The following PTPRD variants were observed in gnomAD, a reference collection of about 807,000 sequenced individuals.
PTPRD encodes the protein protein tyrosine phosphatase receptor type D, also known as receptor-type tyrosine-protein phosphatase delta.
Under a neutral mutation model 214.5 loss-of-function variants are expected in PTPRD, and 34 were observed. The observed-to-expected ratio is 0.16, with a 90% CI of 0.12 to 0.21. PTPRD has a LOEUF of 0.21. Ranked by LOEUF, PTPRD falls within the 10% of genes least tolerant of loss-of-function variation. The probability of loss-of-function intolerance (pLI) is 1.00; values close to 1 mark genes in which losing one functional copy is unlikely to be tolerated. For synonymous variants in PTPRD, 1,128 were observed against 845.7 expected (o/e 1.33, Z -5.79); for missense variants, 2,545 against 2,398.7 (o/e 1.06, Z -1.27).
chr9:9,727,197 T>G (rs1027696263), intron 7 of PTPRD, among the ~76,000 whole-genome samples: 2 of 152,166 alleles, frequency 1.3e-5, no homozygotes, highest in African/African-American at 4.8e-5. Flanking sequence ...GGCTCACACC[T>G]ATAATTCTGG....
At chr9:8,512,828 G>A (rs576891571) in intron 21 of PTPRD, among the ~76,000 whole-genome samples, 1 of 152,048 alleles carries the variant, frequency 6.6e-6, no homozygotes, top group South Asian at 2.1e-4. Flanking sequence ...GATTTATAAT[G>A]CCTCTAATTA....
chr9:9,377,440 A>AT (rs35120129), intron 9 of PTPRD, among the ~76,000 whole-genome samples: 3,859 of 152,204 alleles, frequency 0.025, 143 homozygotes, highest in African/African-American at 0.087. Flanking sequence ...AAAAATAATA[A>AT]TATTAATTTG....
intron 27 of PTPRD, among the ~76,000 whole-genome samples, chr9:8,490,273 ATTTTC>A (rs2097124167): frequency 6.6e-6 from 1 of 152,116 alleles, no homozygotes. Context: ...TCCCTTTTAC[ATTTTC>A]TTATTCTCTT....
At chr9:8,411,496 G>A (rs1398309571) in intron 35 of PTPRD, among the ~76,000 whole-genome samples, 1 of 152,010 alleles carries the variant, frequency 6.6e-6, no homozygotes, top group Admixed American at 6.6e-5. Flanking sequence ...TAGAGGCAGG[G>A]TTTCGCCATG....
intron 6 of PTPRD, among the ~76,000 whole-genome samples, chr9:9,758,545 G>T (rs2098612344): frequency 6.6e-6 from 1 of 152,268 alleles, no homozygotes; most frequent in South Asian, 2.1e-4. Context: ...TTCTCAGAAA[G>T]TACATAAAGC....
chr9:9,625,149 G>A (rs998793405), intron 7 of PTPRD, among the ~76,000 whole-genome samples: 8 of 152,148 alleles, frequency 5.3e-5, no homozygotes, highest in Non-Finnish European at 1.2e-4. Flanking sequence ...CCTTTATTCA[G>A]TCCTTATCCA....
At chr9:10,418,685 G>A (rs539486981) in intron 2 of PTPRD, among the ~76,000 whole-genome samples, 2 of 151,620 alleles carry the variant, frequency 1.3e-5, no homozygotes, top group Non-Finnish European at 2.9e-5. Context: ...TATTTCCAGG[G>A]CCTAGGTCAC....
intron 7 of PTPRD, among the ~76,000 whole-genome samples, chr9:9,634,897 T>C (rs1026987307): frequency 6.6e-6 from 1 of 152,164 alleles, no homozygotes; most frequent in Non-Finnish European, 1.5e-5. Flanking sequence ...GTTAGCTACA[T>C]TGTAGAATAA....
intron 6 of PTPRD, among the ~76,000 whole-genome samples, chr9:9,752,537 T>G (rs1257555675): frequency 6.6e-6 from 1 of 151,988 alleles, no homozygotes; most frequent in Non-Finnish European, 1.5e-5. Flanking sequence ...AGTTTGATTT[T>G]TAGAATCCCG....
intron 2 of PTPRD, among the ~76,000 whole-genome samples, chr9:10,412,872 T>C (rs1403215703): frequency 1.3e-5 from 2 of 151,910 alleles, no homozygotes; most frequent in Non-Finnish European, 2.9e-5. Context: ...CACATGATTA[T>C]CTCAACAGAT....
At chr9:8,757,742 G>A (rs2094125378) in intron 11 of PTPRD, among the ~76,000 whole-genome samples, 1 of 150,874 alleles carries the variant, frequency 6.6e-6, no homozygotes, top group African/African-American at 2.4e-5. Context: ...ATAGCAATGA[G>A]CTGTCATGTG....
chr9:9,854,848 T>C (rs1352860941), intron 5 of PTPRD, among the ~76,000 whole-genome samples: 4 of 152,152 alleles, frequency 2.6e-5, no homozygotes, highest in African/African-American at 9.7e-5. Flanking sequence ...CTATGGATAA[T>C]ACTCAAAAAC....
At chr9:9,857,138 T>C (rs1183004434) in intron 5 of PTPRD, among the ~76,000 whole-genome samples, 1 of 152,190 alleles carries the variant, frequency 6.6e-6, no homozygotes, top group Non-Finnish European at 1.5e-5. Context: ...TTTCAATCCA[T>C]TTGCCTAGTT....
intron 2 of PTPRD, among the ~76,000 whole-genome samples, chr9:10,503,207 A>AAAAAAC (rs1566569990): frequency 1.0e-5 from 1 of 97,400 alleles, no homozygotes; most frequent in African/African-American, 6.3e-5. Flanking sequence ...AAAAAAAAAA[A>AAAAAAC]CAAAAAAAAA....
At chr9:9,140,626 T>C (rs2099858641) in intron 10 of PTPRD, among the ~76,000 whole-genome samples, 1 of 152,334 alleles carries the variant, frequency 6.6e-6, no homozygotes, top group South Asian at 2.1e-4. Context: ...TCGCCCAGGC[T>C]GGAGTGCAGA....
At chr9:8,384,485 G>C (rs2086266445) in intron 37 of PTPRD, among the ~76,000 whole-genome samples, 1 of 152,084 alleles carries the variant, frequency 6.6e-6, no homozygotes, top group Non-Finnish European at 1.5e-5. Context: ...TGTTTCAGCA[G>C]AACTCATGCT....
chr9:9,259,960 T>G (rs1050187355), intron 9 of PTPRD, among the ~76,000 whole-genome samples: 1 of 151,930 alleles, frequency 6.6e-6, no homozygotes, highest in Admixed American at 6.6e-5. Flanking sequence ...CAATGCTTAG[T>G]GACTTCTGAA....
chr9:8,487,811 AAAACAAAC>A (rs67229240), intron 27 of PTPRD, among the ~76,000 whole-genome samples: 45,443 of 151,012 alleles, frequency 0.3, 6,741 homozygotes, highest in East Asian at 0.32. Flanking sequence ...TTCCGTCTCA[AAAACAAAC>A]AAACAAACAA....
intron 11 of PTPRD, among the ~76,000 whole-genome samples, chr9:8,990,720 T>G (rs886064144): frequency 6.6e-6 from 1 of 152,130 alleles, no homozygotes; most frequent in Non-Finnish European, 1.5e-5. Flanking sequence ...CCTTGTTTGA[T>G]AGTAGTCATA....
Sources: allele counts gnomAD v4.1 joint callset (sites outside exome capture counted in the v4.1 genomes callset), GRCh38; gene constraint gnomAD v4.1.1; transcripts MANE v1.5; gene names NCBI Gene and HGNC (gene_info 2026-07-23, HGNC 2026-07-21).